DGKG: variants seen among roughly 807,000 people sequenced by gnomAD.
The protein encoded by DGKG is diacylglycerol kinase gamma, also known as DAG kinase gamma.
A neutral mutation model predicts 105.3 loss-of-function variants in DGKG; 78 were observed. That is an observed-to-expected ratio of 0.74 (90% CI 0.62 to 0.89). DGKG has a LOEUF of 0.89. Among genes scored for constraint, DGKG ranks in the 40% least tolerant of loss-of-function variants. The pLI is 0.00. For missense variants in DGKG, 958 were observed against 1,020.1 expected, an observed-to-expected ratio of 0.94 and a Z score of 0.83; for synonymous variants, 346 against 367.1, an observed-to-expected ratio of 0.94 and a Z score of 0.66.
chr3:186,252,257 A>C (rs1487996256), intron 18 of DGKG, among the ~76,000 whole-genome samples: 1 of 152,214 alleles, frequency 6.6e-6, no homozygotes, highest in Non-Finnish European at 1.5e-5. Flanking sequence ...GTCATGTGGG[A>C]GATGGACAGT....
chr3:186,174,026 G>A (rs1716952102), intron 22 of DGKG, among the ~76,000 whole-genome samples: 1 of 152,240 alleles, frequency 6.6e-6, no homozygotes, highest in African/African-American at 2.4e-5. Flanking sequence ...GGTCTTCCAT[G>A]AACCCAGCAC....
intron 24 of DGKG, chr3:186,160,524 G>A: frequency 1.0e-6 from 1 of 985,282 alleles, no homozygotes; most frequent in Non-Finnish European, 1.2e-6. Flanking sequence ...GATTTTTGCA[G>A]AGAAATTTCT....
At chr3:186,166,642 TG>T (rs1560077850) in intron 22 of DGKG, among the ~76,000 whole-genome samples, 2 of 151,638 alleles carry the variant, frequency 1.3e-5, no homozygotes. Context: ...TGTGTGTGTG[TG>T]TGTGTGTGTA....
intron 22 of DGKG, among the ~76,000 whole-genome samples, chr3:186,178,261 C>A (rs756622351): frequency 1.3e-5 from 2 of 152,290 alleles, no homozygotes; most frequent in Non-Finnish European, 1.5e-5. Context: ...AGAAACAGAT[C>A]ACAGAGAATA....
rs1238708080 is a variant in DGKG at position 186,231,286 on chromosome 3, C to G, written c.1826+11218G>C. ...TGGGTGCATCTTTGGTCATGGGGCACAAAACTGGGCACATGGAGAGGCAGG... is the reference window on the plus strand; with the variant it reads ...TGGGTGCATCTTTGGTCATGGGGCAGAAAACTGGGCACATGGAGAGGCAGG... On this transcript the variant is annotated intron_variant, in intron 20 of 24. Coordinates refer to ENST00000265022, the MANE Select transcript of DGKG (RefSeq NM_001346.3). This position sits in a 1 kb window ranked among gnomAD's most constrained non-coding sequence, Gnocchi z 4.5. 6.6e-6 allele frequency among the ~76,000 whole-genome samples: 1 copy of G among 152,078 alleles called. No homozygotes were observed. Among genetic ancestry groups the G allele is most frequent in the Non-Finnish European group, 1.5e-5 (1 of 68,016 alleles).
chr3:186,346,357 T>C (rs1482357410), intron 1 of DGKG, among the ~76,000 whole-genome samples: 2 of 152,240 alleles, frequency 1.3e-5, no homozygotes, highest in African/African-American at 4.8e-5. Context: ...TGCCCTCTAG[T>C]GCCCTCTTAT....
At position 186,348,707 on chromosome 3, in the gene DGKG, T is replaced by C. The variant is rs1392757738; in HGVS notation, c.-249+13239A>G. ...GCTCAAGTGACTGCCTGCCTTGGCC[T>C]CCCCAAGTGCTTGATTTATAGGCAT... On this transcript the variant is annotated intron_variant, in intron 1 of 24. Coordinates refer to ENST00000265022, the MANE Select transcript of DGKG (RefSeq NM_001346.3). Among the ~76,000 whole-genome samples the C allele has an allele frequency of 3.9e-5, 6 of 152,108 alleles. No individual in the cohort carries two copies. In the South Asian group the frequency reaches 6.2e-4, roughly 16 times the overall value.
At chr3:186,251,513 T>A (rs896813000) in intron 19 of DGKG, among the ~76,000 whole-genome samples, 7 of 152,184 alleles carry the variant, frequency 4.6e-5, no homozygotes, top group African/African-American at 1.7e-4. Context: ...TTTTTCTGTC[T>A]TTTCCTGTGT....
At chr3:186,160,171 T>G in intron 24 of DGKG, 1 of 985,186 alleles carries the variant, frequency 1.0e-6, no homozygotes, top group South Asian at 4.7e-5. Flanking sequence ...AATTTTTTCA[T>G]AGTGAGTTGT....
At position 186,348,189 on chromosome 3, in the gene DGKG, C is replaced by T. The variant is rs977537475; in HGVS notation, c.-249+13757G>A. Among the ~76,000 whole-genome samples, 8 of 152,118 alleles carry T rather than the reference C, an allele frequency of 5.3e-5. No individual in the cohort carries two copies. The South Asian group carries it at 1.7e-3, about 32-fold the overall frequency. On this transcript the variant is annotated intron_variant, in intron 1 of 24. Transcript: ENST00000265022. ...TTTTGGCAGTTGCATTGTTTCCTGA[C>T]TATATTAATAACATGTAAATACTAA...
intron 24 of DGKG, 96 bp downstream of exon 24, chr3:186,161,507 T>C (rs13073156): frequency 1 from 1,587,756 of 1,587,924 alleles, 793,797 homozygotes; most frequent in Middle Eastern, 1. Flanking sequence ...ACAGTCCCTG[T>C]GACTCTGAGA....
At chr3:186,305,340 T>C (rs113631347) in intron 3 of DGKG, among the ~76,000 whole-genome samples, 2,368 of 152,208 alleles carry the variant, frequency 0.016, 61 homozygotes, top group African/African-American at 0.052. Flanking sequence ...GAGGAACATT[T>C]TAAGAAACAG....
chr3:186,354,078 G>C (rs1726785144), intron 1 of DGKG, among the ~76,000 whole-genome samples: 1 of 152,174 alleles, frequency 6.6e-6, no homozygotes, highest in Non-Finnish European at 1.5e-5. Flanking sequence ...GAACATCCTT[G>C]TTGATGAGAC....
At chr3:186,150,683 C>T (rs534404053) in intron 24 of DGKG, among the ~76,000 whole-genome samples, 12 of 152,354 alleles carry the variant, frequency 7.9e-5, no homozygotes, top group African/African-American at 2.9e-4. Flanking sequence ...TCTGACCAAG[C>T]ACCATTATGT....
At chr3:186,206,555 G>C (rs547119644) in intron 21 of DGKG, among the ~76,000 whole-genome samples, 1 of 152,140 alleles carries the variant, frequency 6.6e-6, no homozygotes, top group African/African-American at 2.4e-5. Context: ...TCTGGGCCTG[G>C]GGTGGGGGAG....
chr3:186,247,739 T>C (rs550431240), intron 19 of DGKG, among the ~76,000 whole-genome samples: 1 of 152,330 alleles, frequency 6.6e-6, no homozygotes, highest in South Asian at 2.1e-4. Context: ...ACAGCCCTGG[T>C]TTCTCATTCT....
intron 23 of DGKG, among the ~76,000 whole-genome samples, chr3:186,164,177 G>C (rs1716427455): frequency 6.6e-6 from 1 of 152,224 alleles, no homozygotes; most frequent in Non-Finnish European, 1.5e-5. Context: ...TCCTCTCGGA[G>C]ATCCCCAAGG....
intron 17 of DGKG, among the ~76,000 whole-genome samples, chr3:186,255,631 A>T (rs1293033054): frequency 6.6e-6 from 1 of 152,180 alleles, no homozygotes; most frequent in Non-Finnish European, 1.5e-5. Flanking sequence ...AGGTAGAAAT[A>T]AGGCTGGAAG....
intron 1 of DGKG, among the ~76,000 whole-genome samples, chr3:186,357,566 C>G (rs927236200): frequency 3.3e-5 from 5 of 152,188 alleles, no homozygotes; most frequent in African/African-American, 1.2e-4. Context: ...GGGGTTAATA[C>G]CAGGAGTGTA....
Sources: gnomAD v4.1 joint callset for allele counts (sites outside exome capture counted in the v4.1 genomes callset) on GRCh38, gnomAD v4.1.1 for gene constraint, Gnocchi (gnomAD v3.1) non-coding constraint, MANE v1.5 for transcripts, NCBI Gene and HGNC (gene_info 2026-07-23, HGNC 2026-07-21) for gene names.